TMEM154: variants seen among roughly 807,000 people sequenced by gnomAD.
TMEM154 encodes transmembrane protein 154.
Under a neutral mutation model 24.5 loss-of-function variants are expected in TMEM154, and 27 were observed. That is an observed-to-expected ratio of 1.10 (90% CI 0.81 to 1.52). The LOEUF (loss-of-function observed/expected upper bound fraction) is 1.52, where lower values mean the gene tolerates loss of function less well. Among genes scored for constraint, TMEM154 ranks in the 40% most tolerant of loss-of-function variants. The pLI is 0.00. For missense variants in TMEM154, 228 were observed against 213.4 expected (o/e 1.07, Z -0.43); for synonymous variants, 67 against 76.8 (o/e 0.87, Z 0.67).
intron 1 of TMEM154, among the ~76,000 whole-genome samples, chr4:152,653,910 A>C (rs568855383): frequency 2.0e-5 from 3 of 151,698 alleles, no homozygotes; most frequent in Non-Finnish European, 4.4e-5. Context: ...GTGGTGGTGC[A>C]TGCCTATAAT....
rs1751871663 is a variant in TMEM154 at position 152,623,457 on chromosome 4, T to C, written c.*5089A>G. The stretch of plus-strand genomic sequence containing the variant: ...CACATGTTCCTGGCATTATTTATAA[T>C]TTGAGGTGTTTCACCGACATCAGAG... On this transcript the variant is annotated 3_prime_UTR_variant, in exon 7 of 7. Coordinates refer to ENST00000304385, the MANE Select transcript of TMEM154 (RefSeq NM_152680.3). 1 of 152,224 alleles carries C rather than the reference T, an allele frequency of 6.6e-6. No individual in the cohort carries two copies. 9.4% of individuals were successfully genotyped at this position (152,224 alleles called of 1,614,324 possible). A position where few individuals can be genotyped will look rare whatever the true frequency, so the allele number is the denominator to read the frequency against.
intron 5 of TMEM154, among the ~76,000 whole-genome samples, chr4:152,641,937 T>TG: frequency 7.9e-6 from 1 of 126,290 alleles, no homozygotes; most frequent in African/African-American, 2.7e-5. Flanking sequence ...TTTTTTTTTT[T>TG]GTTGAGATGG....
At position 152,670,327 on chromosome 4, in the gene TMEM154, C is replaced by A. The variant is rs544557891; in HGVS notation, c.64+9543G>T. Among the ~76,000 whole-genome samples the A allele has an allele frequency of 2.0e-4, 31 of 152,258 alleles. No homozygotes were observed. In the South Asian group the frequency reaches 6.2e-3, roughly 31 times the overall value. On this transcript the variant is annotated intron_variant, in intron 1 of 6. Coordinates refer to ENST00000304385, the MANE Select transcript of TMEM154 (RefSeq NM_152680.3). Reference sequence around the variant, plus strand: ...GGAGGCCGGGTGCGGTGGCTCACGCCTGTAATCTGTAATCCCAGCACTTTG... The same window carrying A: ...GGAGGCCGGGTGCGGTGGCTCACGCATGTAATCTGTAATCCCAGCACTTTG...
In TMEM154 at chr4:152,665,788, C is replaced by CTTTTT. The variant is rs560197111; in HGVS notation, c.65-12866_65-12862dup. ...GTCTGGGAGGGGGCCCAAGAATTTG[C>CTTTTT]TTTTTTTTTTTTTTTTTGAGACAGG... is the stretch of plus-strand genomic sequence containing the variant. On this transcript the variant is annotated intron_variant, in intron 1 of 6. Coordinates refer to ENST00000304385, the MANE Select transcript of TMEM154 (RefSeq NM_152680.3). Among the ~76,000 whole-genome samples, 367 of 127,114 alleles carry CTTTTT rather than the reference C, an allele frequency of 2.9e-3. 3 individuals carry two copies. Among genetic ancestry groups the CTTTTT allele is most frequent in the African/African-American group, 6.8e-3 (230 of 33,834 alleles). 83.4% of individuals were successfully genotyped at this position (127,114 alleles called of 152,430 possible).
rs140827975 is a variant in TMEM154 at position 152,623,150 on chromosome 4, C to T, written c.*5396G>A. 37 of 152,232 alleles carry T rather than the reference C, an allele frequency of 2.4e-4. No homozygotes were observed. Among genetic ancestry groups the T allele is most frequent in the African/African-American group, 8.4e-4 (35 of 41,550 alleles). 9.4% of individuals were successfully genotyped at this position (152,232 alleles called of 1,614,324 possible). On this transcript the variant is annotated 3_prime_UTR_variant, in exon 7 of 7. Coordinates refer to ENST00000304385, the MANE Select transcript of TMEM154 (RefSeq NM_152680.3). ...GGCTGGGACCACTTCTAATATGAGGCTTACAAGGTAGAATTTATATGCTGC... is the reference window on the plus strand; with the variant it reads ...GGCTGGGACCACTTCTAATATGAGGTTTACAAGGTAGAATTTATATGCTGC...
In TMEM154 at chr4:152,647,221, T is replaced by TC. The variant is rs35388979; in HGVS notation, c.365-2780dup. The stretch of plus-strand genomic sequence containing the variant: ...AGAAACAGTATGTCTGCTTCTAACT[T>TC]CCCAGGGGACATAGTGTGCAGGTGT... On this transcript the variant is annotated intron_variant, in intron 3 of 6. Transcript: ENST00000304385. 1.0e-5 allele frequency: 10 copies of TC among 984,380 alleles called. No individual in the cohort carries two copies. In the African/African-American group the frequency reaches 1.4e-4, roughly 14 times the overall value. The allele number at this position is 984,380 out of a possible 1,614,324, so 61.0% of individuals were successfully genotyped here.
chr4:152,639,623 T>G (rs1346580812), intron 6 of TMEM154: 1 of 152,188 alleles, frequency 6.6e-6, no homozygotes, highest in Non-Finnish European at 1.5e-5. Flanking sequence ...CCCATTTCTT[T>G]TAGAGACAGG....
intron 1 of TMEM154, among the ~76,000 whole-genome samples, chr4:152,677,968 TCTATCGGGGC>T (rs1728981135): frequency 6.6e-6 from 1 of 152,086 alleles, no homozygotes; most frequent in Admixed American, 6.5e-5. Flanking sequence ...GAAGTTTAGG[TCTATCGGGGC>T]ACAGCAGCAG....
intron 1 of TMEM154, among the ~76,000 whole-genome samples, chr4:152,670,335 TGTAA>T: frequency 6.6e-6 from 1 of 152,348 alleles, no homozygotes; most frequent in East Asian, 1.9e-4. Context: ...GCCTGTAATC[TGTAA>T]TCCCAGCACT....
At chr4:152,647,064 G>T in intron 3 of TMEM154, 1 of 888,250 alleles carries the variant, frequency 1.1e-6, no homozygotes, top group Non-Finnish European at 1.8e-6. Context: ...AAATGGACAA[G>T]CCCAAAGGAA....
chr4:152,644,674 G>A (rs1272180559), intron 3 of TMEM154, among the ~76,000 whole-genome samples: 5 of 152,134 alleles, frequency 3.3e-5, no homozygotes, highest in East Asian at 3.8e-4. Context: ...TGCTGAGAAC[G>A]CTCACTTCAG....
intron 6 of TMEM154, among the ~76,000 whole-genome samples, chr4:152,629,884 G>C (rs1752001223): frequency 6.6e-6 from 1 of 152,166 alleles, no homozygotes. Context: ...TGAAAGGGCA[G>C]GAGACATTGT....
At position 152,624,840 on chromosome 4, in the gene TMEM154, T is replaced by A. The variant is rs1751891914; in HGVS notation, c.*3706A>T. 1 of 152,250 alleles carries A rather than the reference T, an allele frequency of 6.6e-6. No individual in the cohort carries two copies. The highest frequency in any genetic ancestry group is 1.5e-5 in the Non-Finnish European group (1 of 68,040). The allele number at this position is 152,250 out of a possible 1,614,324, so 9.4% of individuals were successfully genotyped here. Reference sequence around the variant, plus strand: ...CACATAGCAGAAATGCTGCTATATGTGAAGTTGTTCTGGACTGCCTGTTAT... The same window carrying A: ...CACATAGCAGAAATGCTGCTATATGAGAAGTTGTTCTGGACTGCCTGTTAT... On this transcript the variant is annotated 3_prime_UTR_variant, in exon 7 of 7. Coordinates refer to ENST00000304385, the MANE Select transcript of TMEM154 (RefSeq NM_152680.3).
chr4:152,668,414 A>G (rs896650040), intron 1 of TMEM154: 30 of 152,158 alleles, frequency 2.0e-4, no homozygotes, highest in Admixed American at 8.5e-4. Context: ...TTTCAAAATT[A>G]TAATTGAAAA....
At chr4:152,643,048 A>T (rs1301962521) in intron 5 of TMEM154, 40 bp downstream of exon 5, 2 of 1,452,622 alleles carry the variant, frequency 1.4e-6, no homozygotes, top group African/African-American at 2.8e-5. Flanking sequence ...TTCTGTTACT[A>T]GAGAGGAAAG....
intron 6 of TMEM154, among the ~76,000 whole-genome samples, chr4:152,631,239 C>G (rs994977415): frequency 6.6e-6 from 1 of 152,088 alleles, no homozygotes; most frequent in African/African-American, 2.4e-5. Context: ...TATCCTTTTC[C>G]CCACATCCTC....
chr4:152,675,156 C>CAAAAAAAAAA (rs368552348), intron 1 of TMEM154, among the ~76,000 whole-genome samples: 1 of 83,152 alleles, frequency 1.2e-5, no homozygotes, highest in African/African-American at 5.7e-5. Context: ...GGCTCCATCT[C>CAAAAAAAAAA]AAAAAAAAAA....
At chr4:152,678,422 T>C (rs1340136809) in intron 1 of TMEM154, among the ~76,000 whole-genome samples, 4 of 151,858 alleles carry the variant, frequency 2.6e-5, no homozygotes, top group African/African-American at 9.7e-5. Flanking sequence ...GGCAGTGTTG[T>C]GCAATAGAAG....
intron 1 of TMEM154, among the ~76,000 whole-genome samples, chr4:152,658,735 C>T (rs372864430): frequency 6.6e-5 from 10 of 151,670 alleles, no homozygotes; most frequent in African/African-American, 1.9e-4. Flanking sequence ...ATCACTTCAA[C>T]CCAGGAGTTG....
Sources: allele counts gnomAD v4.1 joint callset (sites outside exome capture counted in the v4.1 genomes callset), GRCh38; gene constraint gnomAD v4.1.1; transcripts MANE v1.5; gene names NCBI Gene and HGNC (gene_info 2026-07-23, HGNC 2026-07-21).